The following DGLUCY variants were observed in gnomAD, a reference collection of about 807,000 sequenced individuals.
DGLUCY encodes the protein D-glutamate cyclase.
Under a neutral mutation model 58.5 loss-of-function variants are expected in DGLUCY, and 58 were observed. The observed-to-expected ratio is 0.99, with a 90% CI of 0.80 to 1.23. The LOEUF (loss-of-function observed/expected upper bound fraction) is 1.23, where lower values mean the gene tolerates loss of function less well. Ranked by LOEUF, DGLUCY falls within the 50% of genes most tolerant of loss-of-function variation. The pLI is 0.00. For synonymous variants in DGLUCY, 325 were observed against 314.1 expected, an observed-to-expected ratio of 1.03 and a Z score of -0.37; for missense variants, 779 against 784.7, an observed-to-expected ratio of 0.99 and a Z score of 0.09.
chr14:91,217,004 A>AG (rs1288303152), intron 13 of DGLUCY, among the ~76,000 whole-genome samples: 1 of 152,114 alleles, frequency 6.6e-6, no homozygotes, highest in Non-Finnish European at 1.5e-5. Context: ...GCCCTCTTAG[A>AG]GCAAGCTCCG....
rs1358282627 is a variant in DGLUCY at position 91,225,021 on chromosome 14, GACA to G, written c.*192_*194del. On this transcript the variant is annotated 3_prime_UTR_variant, in exon 14 of 14. Transcript: ENST00000256324. ...GTTAGTGCAGGTGCTGTGGACAAAG[GACA>G]ACATTTCTCTGGGGCTTTTTAACTT... 1.5e-5 allele frequency: 8 copies of G among 529,912 alleles called. No homozygotes were observed. The Admixed American group carries it at 2.0e-4, about 13-fold the overall frequency. The allele number at this position is 529,912 out of a possible 1,614,324, so 32.8% of individuals were successfully genotyped here. A position where few individuals can be genotyped will look rare whatever the true frequency, so the allele number is the denominator to read the frequency against.
chr14:91,111,198 A>G (rs948958498), upstream of DGLUCY, among the ~76,000 whole-genome samples: 12 of 32,648 alleles, frequency 3.7e-4, no homozygotes, highest in Non-Finnish European at 6.5e-4. Flanking sequence ...TTTTATTTAT[A>G]TATATGTGTG....
intron 1 of DGLUCY, among the ~76,000 whole-genome samples, chr14:91,068,152 G>A (rs1406295423): frequency 1.3e-5 from 2 of 151,754 alleles, no homozygotes; most frequent in African/African-American, 2.4e-5. Flanking sequence ...TTGCGAAGGG[G>A]GCAGCAGCAA....
At chr14:91,101,333 C>T (rs1040626378) in intron 1 of DGLUCY, among the ~76,000 whole-genome samples, 3 of 152,194 alleles carry the variant, frequency 2.0e-5, no homozygotes, top group Non-Finnish European at 2.9e-5. Context: ...CATCAATCTA[C>T]TACTGGATTA....
intron 1 of DGLUCY, among the ~76,000 whole-genome samples, chr14:91,078,518 A>G (rs1291287729): frequency 2.0e-5 from 3 of 152,176 alleles, no homozygotes; most frequent in Non-Finnish European, 4.4e-5. Context: ...TCCTCCCTCC[A>G]TCCCCCCACG....
At chr14:91,151,039 G>A (rs187269137) in intron 1 of DGLUCY, among the ~76,000 whole-genome samples, 2 of 152,278 alleles carry the variant, frequency 1.3e-5, no homozygotes, top group East Asian at 3.9e-4. Flanking sequence ...TCTGTTGTGG[G>A]TGTCTTATAG....
At chr14:91,143,183 C>A (rs1362816701) in intron 1 of DGLUCY, among the ~76,000 whole-genome samples, 5 of 151,740 alleles carry the variant, frequency 3.3e-5, no homozygotes, top group Admixed American at 3.3e-4. Flanking sequence ...GCAAGCTCTG[C>A]CTCCCGGGTT....
chr14:91,065,053 A>G (rs1028435819), intron 1 of DGLUCY, among the ~76,000 whole-genome samples: 1 of 152,210 alleles, frequency 6.6e-6, no homozygotes, highest in African/African-American at 2.4e-5. Flanking sequence ...GAAGCACGCC[A>G]TATGATCACT....
chr14:91,144,262 A>C (rs2046895293), intron 1 of DGLUCY, among the ~76,000 whole-genome samples: 3 of 152,198 alleles, frequency 2.0e-5, no homozygotes, highest in Admixed American at 6.5e-5. Context: ...TCAGGTAACT[A>C]TATAAATGGT....
At chr14:91,132,002 A>T (rs929509895) in intron 1 of DGLUCY, among the ~76,000 whole-genome samples, 1 of 152,182 alleles carries the variant, frequency 6.6e-6, no homozygotes, top group African/African-American at 2.4e-5. Flanking sequence ...CATGTTCGTC[A>T]GGCTGATCTT....
intron 1 of DGLUCY, among the ~76,000 whole-genome samples, chr14:91,072,494 A>ATT (rs2043938802): frequency 6.6e-6 from 1 of 152,034 alleles, no homozygotes; most frequent in Non-Finnish European, 1.5e-5. Context: ...ATTTTACTTA[A>ATT]TTTCTGTTTT....
chr14:91,178,251 G>C (rs1021439783), intron 7 of DGLUCY, among the ~76,000 whole-genome samples: 1 of 151,474 alleles, frequency 6.6e-6, no homozygotes, highest in African/African-American at 2.4e-5. Context: ...CTGTAGCCTT[G>C]ACCTCCTAGG....
At chr14:91,137,932 C>G (rs527784584) in intron 1 of DGLUCY, among the ~76,000 whole-genome samples, 101 of 152,254 alleles carry the variant, frequency 6.6e-4, no homozygotes, top group African/African-American at 2.4e-3. Flanking sequence ...TCAGTTCAAA[C>G]TACTCAGCAT....
At chr14:91,142,979 G>T (rs1333492035) in intron 1 of DGLUCY, among the ~76,000 whole-genome samples, 1 of 135,776 alleles carries the variant, frequency 7.4e-6, no homozygotes, top group Non-Finnish European at 1.5e-5. Flanking sequence ...GCAGTGAGCC[G>T]AGATCGTGCT....
chr14:91,114,445 C>G (rs997022082), intron 1 of DGLUCY, 162 bp downstream of exon 1: 2 of 152,428 alleles, frequency 1.3e-5, no homozygotes, highest in Non-Finnish European at 2.9e-5. Flanking sequence ...TCCTGAAATT[C>G]TCCACTGAGG....
chr14:91,071,715 A>C (rs2043922434), intron 1 of DGLUCY, among the ~76,000 whole-genome samples: 1 of 151,894 alleles, frequency 6.6e-6, no homozygotes. Flanking sequence ...TGAAAACGCA[A>C]AAATTAGTTG....
intron 1 of DGLUCY, among the ~76,000 whole-genome samples, chr14:91,084,097 TG>T (rs1436204634): frequency 6.6e-6 from 1 of 152,152 alleles, no homozygotes; most frequent in African/African-American, 2.4e-5. Flanking sequence ...CAATACATGT[TG>T]TTGAATGAAT....
chr14:91,100,664 C>T (rs2044469893), intron 1 of DGLUCY, among the ~76,000 whole-genome samples: 1 of 152,200 alleles, frequency 6.6e-6, no homozygotes, highest in African/African-American at 2.4e-5. Context: ...GTGTGGTCCC[C>T]AGACCAGCAG....
At chr14:91,137,701 T>C (rs1413367955) in intron 1 of DGLUCY, among the ~76,000 whole-genome samples, 4 of 152,076 alleles carry the variant, frequency 2.6e-5, no homozygotes, top group Admixed American at 1.3e-4. Context: ...GGCCTGAGAA[T>C]TTCTCTATGG....
Sources: gnomAD v4.1 joint callset for allele counts (sites outside exome capture counted in the v4.1 genomes callset) on GRCh38, gnomAD v4.1.1 for gene constraint, MANE v1.5 for transcripts, NCBI Gene and HGNC (gene_info 2026-07-23, HGNC 2026-07-21) for gene names.